CDH13: variants seen among roughly 807,000 people sequenced by gnomAD.
CDH13 encodes cadherin-13.
Under a neutral mutation model 63.8 loss-of-function variants are expected in CDH13, and 24 were observed. The observed-to-expected ratio is 0.38, with a 90% CI of 0.27 to 0.53. The LOEUF is 0.53. Among genes scored for constraint, CDH13 ranks in the 20% least tolerant of loss-of-function variants. The pLI, the probability that CDH13 is intolerant of heterozygous loss-of-function variation, is 0.85. For missense variants in CDH13, 1,049 were observed against 903.1 expected (o/e 1.16, Z -2.07); for synonymous variants, 503 against 355.3 (o/e 1.42, Z -4.67).
At chr16:82,736,546 C>G (rs1465808004) in intron 1 of CDH13, among the ~76,000 whole-genome samples, 1 of 152,146 alleles carries the variant, frequency 6.6e-6, no homozygotes, top group East Asian at 1.9e-4. Flanking sequence ...GGCAGCATCC[C>G]ATTCCAATGC....
intron 1 of CDH13, among the ~76,000 whole-genome samples, chr16:82,724,746 A>G (rs1431091313): frequency 6.6e-6 from 1 of 152,150 alleles, no homozygotes; most frequent in African/African-American, 2.4e-5. Context: ...CCTGTGAGAG[A>G]CTGGAAGGCA....
At chr16:83,301,566 G>A (rs1045889021) in intron 5 of CDH13, among the ~76,000 whole-genome samples, 3 of 152,130 alleles carry the variant, frequency 2.0e-5, no homozygotes, top group African/African-American at 7.2e-5. Context: ...GGTGGAGCAA[G>A]CAAGGTCGGA....
intron 7 of CDH13, among the ~76,000 whole-genome samples, chr16:83,524,674 G>A (rs957762574): frequency 6.6e-6 from 1 of 151,860 alleles, no homozygotes; most frequent in African/African-American, 2.4e-5. Context: ...GGATGGTCTC[G>A]ATCTCCTGAC....
chr16:82,695,387 T>C (rs958792116), intron 1 of CDH13, among the ~76,000 whole-genome samples: 1 of 152,328 alleles, frequency 6.6e-6, no homozygotes, highest in African/African-American at 2.4e-5. Context: ...GGAGGTTTAA[T>C]AAATTCTTTT....
At chr16:83,529,673 TATAAATGGAA>T (rs912859172) in intron 7 of CDH13, among the ~76,000 whole-genome samples, 75 of 152,240 alleles carry the variant, frequency 4.9e-4, no homozygotes, top group African/African-American at 1.8e-3. Context: ...TTCTGAGTAA[TATAAATGGAA>T]ATAGAGATTT....
chr16:83,119,055 G>C (rs1407414143), intron 3 of CDH13, among the ~76,000 whole-genome samples: 1 of 152,098 alleles, frequency 6.6e-6, no homozygotes, highest in South Asian at 2.1e-4. Context: ...CACACCAAAA[G>C]CTGCTCTTTC....
intron 2 of CDH13, among the ~76,000 whole-genome samples, chr16:82,892,823 C>T (rs1191891472): frequency 6.6e-6 from 1 of 151,808 alleles, no homozygotes; most frequent in East Asian, 1.9e-4. Context: ...TCTTGTAACC[C>T]TTTAGTTGTT....
rs112674436 is a variant in CDH13, at chr16:83,491,300, C to T, written c.960+4645C>T. Among the ~76,000 whole-genome samples, 5 of 152,280 alleles carry T rather than the reference C, an allele frequency of 3.3e-5. 1 individual carries two copies. The highest frequency in any genetic ancestry group is 1.2e-4 in the African/African-American group (5 of 41,558). ...TTGCGGAAAATAAGAGCCATATATT[C>T]CAGTAAATGAAATTAGGTTCATTTG... On this transcript the variant is annotated intron_variant, in intron 7 of 13. Transcript: ENST00000567109.
chr16:83,381,015 C>G (rs2091557140), intron 6 of CDH13, among the ~76,000 whole-genome samples: 1 of 151,984 alleles, frequency 6.6e-6, no homozygotes, highest in Non-Finnish European at 1.5e-5. Context: ...TAACTATGTT[C>G]CTATCCATTT....
At chr16:83,241,771 C>G (rs571239717) in intron 5 of CDH13, among the ~76,000 whole-genome samples, 1 of 152,196 alleles carries the variant, frequency 6.6e-6, no homozygotes, top group African/African-American at 2.4e-5. Flanking sequence ...AAGATTTTCT[C>G]CTATTTAGTA....
intron 6 of CDH13, among the ~76,000 whole-genome samples, chr16:83,420,858 A>G (rs538203738): frequency 6.6e-6 from 1 of 152,332 alleles, no homozygotes; most frequent in African/African-American, 2.4e-5. Context: ...CCAAAGGCTG[A>G]AGAATGTGAA....
intron 3 of CDH13, among the ~76,000 whole-genome samples, chr16:83,034,161 C>T (rs965459486): frequency 1.3e-5 from 2 of 152,122 alleles, no homozygotes; most frequent in Non-Finnish European, 2.9e-5. Flanking sequence ...ATGTGCCACC[C>T]TACTGTCACC....
intron 2 of CDH13, among the ~76,000 whole-genome samples, chr16:82,975,212 C>T (rs1292214803): frequency 2.6e-5 from 4 of 152,188 alleles, no homozygotes; most frequent in East Asian, 3.9e-4. Flanking sequence ...GTTGGATGGT[C>T]TGGTCTTTGG....
intron 10 of CDH13, among the ~76,000 whole-genome samples, chr16:83,699,998 C>G (rs973329958): frequency 6.6e-6 from 1 of 152,136 alleles, no homozygotes; most frequent in Admixed American, 6.5e-5. Flanking sequence ...ACTCCCTTGA[C>G]GCTATCACCG....
rs547377277 is a variant in CDH13 at position 83,066,666 on chromosome 16, A to C, written c.366+34448A>C. ...TATTAATTTAAAGAACAGAATGATT[A>C]TCACATGCATTGAAATACACAAAGT... On this transcript the variant is annotated intron_variant, in intron 3 of 13. Coordinates refer to ENST00000567109, the MANE Select transcript of CDH13 (RefSeq NM_001257.5). Among the ~76,000 whole-genome samples, 11 of 152,376 alleles carry C rather than the reference A, an allele frequency of 7.2e-5. No homozygotes were observed. The East Asian group carries it at 2.1e-3, about 29-fold the overall frequency.
chr16:83,354,224 A>C (rs2091011972), intron 6 of CDH13, among the ~76,000 whole-genome samples: 2 of 152,230 alleles, frequency 1.3e-5, no homozygotes, highest in African/African-American at 2.4e-5. Flanking sequence ...GTTGGATCCT[A>C]TCCCTGATAC....
At chr16:83,781,999 T>G (rs1237658918) in intron 12 of CDH13, among the ~76,000 whole-genome samples, 1 of 152,216 alleles carries the variant, frequency 6.6e-6, no homozygotes, top group African/African-American at 2.4e-5. Context: ...TGCTGTTTGA[T>G]TTAATCTGCC....
intron 1 of CDH13, among the ~76,000 whole-genome samples, chr16:82,728,977 C>T (rs563639387): frequency 1.3e-5 from 2 of 152,248 alleles, no homozygotes; most frequent in African/African-American, 4.8e-5. Flanking sequence ...ACTTTCTTGG[C>T]TCATCTATAA....
intron 1 of CDH13, among the ~76,000 whole-genome samples, chr16:82,690,579 C>A (rs892685824): frequency 2.6e-5 from 4 of 152,028 alleles, no homozygotes; most frequent in African/African-American, 4.8e-5. Flanking sequence ...GAGTTCATCT[C>A]GTGAGAATGA....
Sources: allele counts gnomAD v4.1 joint callset (sites outside exome capture counted in the v4.1 genomes callset), GRCh38; gene constraint gnomAD v4.1.1; transcripts MANE v1.5; gene names NCBI Gene and HGNC (gene_info 2026-07-23, HGNC 2026-07-21).